The following FAM91A1 variants were observed in gnomAD, a reference collection of about 807,000 sequenced individuals.
The protein encoded by FAM91A1 is family with sequence similarity 91 member A1, also known as protein FAM91A1.
FAM91A1 carries 41 observed loss-of-function variants against 113.5 expected under a neutral mutation model. The observed-to-expected ratio is 0.36, with a 90% CI of 0.28 to 0.47. FAM91A1 has a LOEUF of 0.47. FAM91A1 is among the 20% of genes least tolerant of loss of function. The pLI, the probability that FAM91A1 is intolerant of heterozygous loss-of-function variation, is 1.00. For synonymous variants in FAM91A1, 307 were observed against 347.9 expected (o/e 0.88, Z 1.31); for missense variants, 696 against 1,001.2 (o/e 0.70, Z 4.11).
chr8:123,783,495 A>G (rs1439315215), intron 8 of FAM91A1, among the ~76,000 whole-genome samples: 3 of 152,216 alleles, frequency 2.0e-5, no homozygotes, highest in African/African-American at 4.8e-5. Context: ...TGAATAACCT[A>G]TCCTCAGATG....
chr8:123,809,022 G>T lies in FAM91A1; in HGVS notation c.2261+6G>T, dbSNP rs765572127. ...GGCCTTTGCAGAAAAGAGAGGTGAGGGTTTATATTCGCTGTCATATTTTCA... is the reference window on the plus strand; with the variant it reads ...GGCCTTTGCAGAAAAGAGAGGTGAGTGTTTATATTCGCTGTCATATTTTCA... On this transcript the variant is annotated splice_donor_region_variant and intron_variant, in intron 22 of 23. Coordinates refer to ENST00000334705, the MANE Select transcript of FAM91A1 (RefSeq NM_144963.4). 6.2e-7 allele frequency: 1 copy of T among 1,609,450 alleles called. No homozygotes were observed. The highest frequency in any genetic ancestry group is 1.1e-5 in the South Asian group (1 of 90,472).
At position 123,813,686 on chromosome 8, in the gene FAM91A1, A is replaced by G. The variant is rs945788335; in HGVS notation, c.*982A>G. 1.3e-5 allele frequency: 2 copies of G among 152,250 alleles called. No homozygotes were observed. Among genetic ancestry groups the G allele is most frequent in the Admixed American group, 1.3e-4 (2 of 15,282 alleles). The allele number at this position is 152,250 out of a possible 1,614,324, so 9.4% of individuals were successfully genotyped here. A position where few individuals can be genotyped will look rare whatever the true frequency, so the allele number is the denominator to read the frequency against. On this transcript the variant is annotated 3_prime_UTR_variant, in exon 24 of 24. Transcript: ENST00000334705. ...TATGTGAATACTTTTTTAGAAAATG[A>G]TAAAGAAAAATGGAATTACTTCAAA...
chr8:123,789,142 C>T (rs1815323701), intron 14 of FAM91A1, among the ~76,000 whole-genome samples: 1 of 152,118 alleles, frequency 6.6e-6, no homozygotes, highest in South Asian at 2.1e-4. Flanking sequence ...CTAAGTAAAT[C>T]TTTGTTGAGT....
chr8:123,772,063 G>A (rs1814859630), intron 1 of FAM91A1, among the ~76,000 whole-genome samples: 1 of 152,098 alleles, frequency 6.6e-6, no homozygotes, highest in South Asian at 2.1e-4. Context: ...GAGTAGGAGG[G>A]GAGCCCAGGG....
intron 8 of FAM91A1, among the ~76,000 whole-genome samples, chr8:123,781,821 A>T (rs981052947): frequency 6.6e-6 from 1 of 152,182 alleles, no homozygotes; most frequent in Admixed American, 6.5e-5. Context: ...TACCTTAAAA[A>T]GTACAGGAAA....
In FAM91A1 at chr8:123,784,445, G is replaced by A. The variant is rs528416014; in HGVS notation, c.704-25G>A. Reference sequence around the variant, plus strand: ...TGTTTTATAAAATCTGTACCACTGAGAAAAATCTCTTCTGTTTGTTTTAGT... The same window carrying A: ...TGTTTTATAAAATCTGTACCACTGAAAAAAATCTCTTCTGTTTGTTTTAGT... On this transcript the variant is annotated intron_variant, in intron 8 of 23. Transcript: ENST00000334705. 6.5e-6 allele frequency: 10 copies of A among 1,548,998 alleles called. No homozygotes were observed. The South Asian group carries it at 1.1e-4, about 17-fold the overall frequency.
At chr8:123,769,794 G>T (rs571404444) in intron 1 of FAM91A1, among the ~76,000 whole-genome samples, 23 of 152,314 alleles carry the variant, frequency 1.5e-4, no homozygotes, top group African/African-American at 5.3e-4. Flanking sequence ...ATGGGCTACA[G>T]ATAACGCACT....
rs1414537492 is a variant in FAM91A1, at chr8:123,815,316, A to G, written c.*2612A>G. 6.6e-6 allele frequency: 1 copy of G among 152,568 alleles called. No homozygotes were observed. The highest frequency in any genetic ancestry group is 1.5e-5 in the Non-Finnish European group (1 of 68,014). The allele number at this position is 152,568 out of a possible 1,614,324, so 9.5% of individuals were successfully genotyped here. A position where few individuals can be genotyped will look rare whatever the true frequency, so the allele number is the denominator to read the frequency against. ...TAAGGATTTTAAAATACCAAACTGTAACTGAGTACAGTGGATCGTTTTCTG... is the reference window on the plus strand; with the variant it reads ...TAAGGATTTTAAAATACCAAACTGTGACTGAGTACAGTGGATCGTTTTCTG... On this transcript the variant is annotated 3_prime_UTR_variant, in exon 24 of 24. Coordinates refer to ENST00000334705, the MANE Select transcript of FAM91A1 (RefSeq NM_144963.4).
At chr8:123,788,164 G>A in intron 14 of FAM91A1, 1 of 980,008 alleles carries the variant, frequency 1.0e-6, no homozygotes, top group Non-Finnish European at 1.2e-6. Flanking sequence ...ATATCCCTGG[G>A]TATCATATTT....
In FAM91A1 at chr8:123,812,737, G is replaced by A. The variant is rs753149945; in HGVS notation, c.*33G>A. The A allele has an allele frequency of 2.2e-5, 33 of 1,484,348 alleles. No homozygotes were observed. Among genetic ancestry groups the A allele is most frequent in the Non-Finnish European group, 2.9e-5 (32 of 1,118,418 alleles). 91.9% of individuals were successfully genotyped at this position (1,484,348 alleles called of 1,614,324 possible). A position where few individuals can be genotyped will look rare whatever the true frequency, so the allele number is the denominator to read the frequency against. ...ACACCATTTGTTGCTCACACTTTCT[G>A]CCTTTTTTCTTTCTTAACGTTAGCT... On this transcript the variant is annotated 3_prime_UTR_variant, in exon 24 of 24. Coordinates refer to ENST00000334705, the MANE Select transcript of FAM91A1 (RefSeq NM_144963.4).
At chr8:123,782,436 T>A (rs1337710616) in intron 8 of FAM91A1, among the ~76,000 whole-genome samples, 2 of 152,196 alleles carry the variant, frequency 1.3e-5, no homozygotes, top group African/African-American at 4.8e-5. Context: ...AAACAAGCAC[T>A]ATGGTTGGTG....
At chr8:123,812,405 C>CCG in intron 23 of FAM91A1, 114 bp from the exon 24 acceptor site, 2 of 694,268 alleles carry the variant, frequency 2.9e-6, no homozygotes, top group East Asian at 3.2e-5. Flanking sequence ...TCCTGTACTG[C>CCG]TTTGCAATCC....
rs186031563 is a variant in FAM91A1, at chr8:123,797,038, C to A, written c.1412-1052C>A. Reference sequence around the variant, plus strand: ...ATGGCGCCACTGCACTCCAGCCTGTCGACAGAGTGAGACTCTGTCTCAAAA... The same window carrying A: ...ATGGCGCCACTGCACTCCAGCCTGTAGACAGAGTGAGACTCTGTCTCAAAA... On this transcript the variant is annotated intron_variant, in intron 15 of 23. Coordinates refer to ENST00000334705, the MANE Select transcript of FAM91A1 (RefSeq NM_144963.4). 1.3e-4 allele frequency among the ~76,000 whole-genome samples: 19 copies of A among 151,454 alleles called. No homozygotes were observed. In the East Asian group the frequency reaches 3.8e-3, roughly 30 times the overall value.
intron 1 of FAM91A1, among the ~76,000 whole-genome samples, chr8:123,773,697 A>G (rs1316631104): frequency 1.3e-5 from 2 of 152,208 alleles, no homozygotes; most frequent in African/African-American, 4.8e-5. Context: ...CTTAAATTTA[A>G]ATAAATGTAG....
chr8:123,807,281 CT>C (rs1262453490), intron 20 of FAM91A1, among the ~76,000 whole-genome samples: 1 of 151,984 alleles, frequency 6.6e-6, no homozygotes, highest in Non-Finnish European at 1.5e-5. Flanking sequence ...TACAGCTCTC[CT>C]TTTTTATGTC....
chr8:123,810,686 A>G (rs923434510), intron 23 of FAM91A1: 1 of 327,442 alleles, frequency 3.1e-6, no homozygotes, highest in African/African-American at 2.2e-5. Context: ...CACTGCTGGG[A>G]TGGGCTGTCT....
chr8:123,777,938 GC>G (rs1161998847), intron 4 of FAM91A1, 86 bp from the exon 5 acceptor site: 1 of 1,126,690 alleles, frequency 8.9e-7, no homozygotes, highest in Admixed American at 2.3e-5. Flanking sequence ...ATGAAAATAA[GC>G]TCGGGTTTTT....
chr8:123,811,008 C>G (rs563946062), intron 23 of FAM91A1: 2 of 152,404 alleles, frequency 1.3e-5, no homozygotes, highest in South Asian at 2.1e-4. Context: ...TATATAAGTT[C>G]TAAAAGATTT....
intron 22 of FAM91A1, among the ~76,000 whole-genome samples, chr8:123,809,915 A>G (rs868502592): frequency 1.3e-5 from 2 of 152,218 alleles, no homozygotes; most frequent in African/African-American, 4.8e-5. Context: ...GTCTTTTGCA[A>G]TTACTTTGGT....
Sources: gnomAD v4.1 joint callset for allele counts (sites outside exome capture counted in the v4.1 genomes callset) on GRCh38, gnomAD v4.1.1 for gene constraint, MANE v1.5 for transcripts, NCBI Gene and HGNC (gene_info 2026-07-23, HGNC 2026-07-21) for gene names.